The following MTMR12 variants were observed in gnomAD, a reference collection of about 807,000 sequenced individuals.
The protein encoded by MTMR12 is myotubularin-related protein 12.
A neutral mutation model predicts 96.7 loss-of-function variants in MTMR12; 33 were observed. The observed-to-expected ratio is 0.34, with a 90% CI of 0.26 to 0.46. MTMR12 has a LOEUF of 0.46. Among genes scored for constraint, MTMR12 ranks in the 20% least tolerant of loss-of-function variants. MTMR12 has a pLI of 1.00. For missense variants in MTMR12, 721 were observed against 896.1 expected, an observed-to-expected ratio of 0.80 and a Z score of 2.49; for synonymous variants, 298 against 327.2, an observed-to-expected ratio of 0.91 and a Z score of 0.96.
At position 32,266,139 on chromosome 5, in the gene MTMR12, C is replaced by G. The variant is rs955581431; in HGVS notation, c.583+2562G>C. 7.2e-5 allele frequency among the ~76,000 whole-genome samples: 11 copies of G among 152,184 alleles called. No homozygotes were observed. In the South Asian group the frequency reaches 8.3e-4, roughly 11 times the overall value. ...TTCCCCTCGATAGTCCACCCTCCCC[C>G]AGAGGGTGGGCGCCTCCACAGAGGA... On this transcript the variant is annotated intron_variant, in intron 6 of 15. Transcript: ENST00000382142.
chr5:32,276,057 A>C (rs1158699831), intron 2 of MTMR12, among the ~76,000 whole-genome samples: 1 of 152,274 alleles, frequency 6.6e-6, no homozygotes, highest in African/African-American at 2.4e-5. Flanking sequence ...CATGGATCAC[A>C]GAATATCCCA....
At chr5:32,248,168 A>G in intron 9 of MTMR12, 42 bp from the exon 10 acceptor site, 1 of 1,596,762 alleles carries the variant, frequency 6.3e-7, no homozygotes, top group African/African-American at 1.3e-5. Flanking sequence ...GAGCAAACTC[A>G]AATTTTGCTT....
At chr5:32,244,525 A>C (rs1332283708) in intron 10 of MTMR12, among the ~76,000 whole-genome samples, 1 of 152,188 alleles carries the variant, frequency 6.6e-6, no homozygotes, top group African/African-American at 2.4e-5. Flanking sequence ...AGGGTGGCGG[A>C]GGTTACAGTG....
intron 1 of MTMR12, among the ~76,000 whole-genome samples, chr5:32,282,445 A>AAATG: frequency 1.3e-5 from 2 of 149,912 alleles, no homozygotes; most frequent in Middle Eastern, 6.9e-3. Context: ...ATAAATAAAT[A>AAATG]AATAAATAAA....
chr5:32,263,739 G>A (rs1352229670), intron 6 of MTMR12, among the ~76,000 whole-genome samples: 1 of 151,942 alleles, frequency 6.6e-6, no homozygotes, highest in Non-Finnish European at 1.5e-5. Flanking sequence ...CGCCAGGCCA[G>A]CTGTCTTTTT....
chr5:32,261,132 C>G (rs1749347550), intron 7 of MTMR12, among the ~76,000 whole-genome samples: 1 of 151,604 alleles, frequency 6.6e-6, no homozygotes, highest in Non-Finnish European at 1.5e-5. Context: ...ACTCAAGAGG[C>G]TGAGGCAGGA....
rs761698344 is a variant in MTMR12, at chr5:32,312,802, T to TGCC, written c.34_36dup (p.Gly12dup). On this transcript the variant is annotated inframe_insertion, in exon 1 of 16. Coordinates refer to ENST00000382142, the MANE Select transcript of MTMR12 (RefSeq NM_001040446.3). The surrounding 1 kb of genome is among the most constrained non-coding windows in gnomAD (Gnocchi z 5.0). ...ACGAAGGAGGGCTTGGGGGCCTTGGTGCCGCCGCCACCGCCGACTACTCCT... is the reference window on the plus strand; with the variant it reads ...ACGAAGGAGGGCTTGGGGGCCTTGGTGCCGCCGCCGCCACCGCCGACTACTCCT... 2 of 1,533,546 alleles carry TGCC rather than the reference T, an allele frequency of 1.3e-6. No homozygotes were observed. The highest frequency in any genetic ancestry group is 2.9e-5 in the African/African-American group (2 of 69,770). The allele number at this position is 1,533,546 out of a possible 1,614,324, so 95.0% of individuals were successfully genotyped here. A position where few individuals can be genotyped will look rare whatever the true frequency, so the allele number is the denominator to read the frequency against.
At chr5:32,265,085 C>G (rs886984165) in intron 6 of MTMR12, among the ~76,000 whole-genome samples, 3 of 152,100 alleles carry the variant, frequency 2.0e-5, no homozygotes, top group Non-Finnish European at 4.4e-5. Flanking sequence ...ATGTCATAAA[C>G]ATTTAGGACC....
At position 32,229,040 on chromosome 5, in the gene MTMR12, G is replaced by C. The variant is rs1195088939; in HGVS notation, c.*738C>G. ...TGGCAGTGAGACACTGGGACTACAC[G>C]CACCAAGGCAGGGAGTGCAGAGGGA... On this transcript the variant is annotated 3_prime_UTR_variant, in exon 16 of 16. Coordinates refer to ENST00000382142, the MANE Select transcript of MTMR12 (RefSeq NM_001040446.3). 6.6e-6 allele frequency: 1 copy of C among 152,364 alleles called. No individual in the cohort carries two copies. Among genetic ancestry groups the C allele is most frequent in the Non-Finnish European group, 1.5e-5 (1 of 68,156 alleles). 9.4% of individuals were successfully genotyped at this position (152,364 alleles called of 1,614,324 possible).
Position 32,233,657 on chromosome 5 carries a change from T to C in MTMR12, c.1674+116A>G. 1.4e-6 allele frequency: 2 copies of C among 1,419,222 alleles called. No individual in the cohort carries two copies. The highest frequency in any genetic ancestry group is 1.3e-5 in the South Asian group (1 of 78,186). The allele number at this position is 1,419,222 out of a possible 1,614,324, so 87.9% of individuals were successfully genotyped here. A position where few individuals can be genotyped will look rare whatever the true frequency, so the allele number is the denominator to read the frequency against. ...ATTTGACCATCACAAGTCTCAACTCTGCAGACTGCTTCGAGGGGTAGAAAA... is the reference window on the plus strand; with the variant it reads ...ATTTGACCATCACAAGTCTCAACTCCGCAGACTGCTTCGAGGGGTAGAAAA... On this transcript the variant is annotated intron_variant, in intron 15 of 15. Coordinates refer to ENST00000382142, the MANE Select transcript of MTMR12 (RefSeq NM_001040446.3). The surrounding 1 kb of genome is among the most constrained non-coding windows in gnomAD (Gnocchi z 5.0).
intron 9 of MTMR12, among the ~76,000 whole-genome samples, chr5:32,248,393 T>C (rs1043108791): frequency 2.0e-5 from 3 of 152,032 alleles, no homozygotes; most frequent in Non-Finnish European, 4.4e-5. Flanking sequence ...TCTGAGTCTA[T>C]TCCTTCTTTT....
rs35999870 is a variant in MTMR12, at chr5:32,279,076, CAAAAAAAAAAAA to C, written c.82-2346_82-2335del. On this transcript the variant is annotated intron_variant, in intron 1 of 15. Coordinates refer to ENST00000382142, the MANE Select transcript of MTMR12 (RefSeq NM_001040446.3). ...GGGCAACAAGAGCGAAACTCTGTCT[CAAAAAAAAAAAA>C]AAAAAAAAAAAAAAAAAAAAAAAAA... Among the ~76,000 whole-genome samples, 43 of 50,524 alleles carry C rather than the reference CAAAAAAAAAAAA, an allele frequency of 8.5e-4. No homozygotes were observed. The South Asian group carries it at 0.014, about 16-fold the overall frequency. The allele number at this position is 50,524 out of a possible 152,430, so 33.1% of individuals were successfully genotyped here.
chr5:32,262,049 G>A (rs1749380873), intron 7 of MTMR12, among the ~76,000 whole-genome samples: 1 of 151,874 alleles, frequency 6.6e-6, no homozygotes, highest in African/African-American at 2.4e-5. Flanking sequence ...TCCAGCCTGG[G>A]GGACAGAGAG....
Position 32,270,944 on chromosome 5 carries a change from A to C in MTMR12, c.362T>G (p.Phe121Cys). The change falls in exon 5 of 16, where the codon TTT becomes TGT. Residue 121 changes from phenylalanine to cysteine, a missense_variant. Transcript: ENST00000382142. ...AAAGAGAGTTTTCTTTTTCTCATCA[A>C]ACACTACAGATCAGCAATGAAATCA... is the stretch of plus-strand genomic sequence containing the variant. ...LHCVDQIYGV[F>C]DEKKKTLFGQ... 6.2e-7 allele frequency: 1 copy of C among 1,612,552 alleles called. No individual in the cohort carries two copies. Among genetic ancestry groups the C allele is most frequent in the Non-Finnish European group, 8.5e-7 (1 of 1,179,536 alleles).
At chr5:32,251,217 G>A (rs547981802) in intron 8 of MTMR12, among the ~76,000 whole-genome samples, 49 of 151,952 alleles carry the variant, frequency 3.2e-4, no homozygotes, top group South Asian at 1.0e-3. Context: ...CACTACGCCC[G>A]GCTAATTTTT....
chr5:32,251,596 A>G (rs1264531001), intron 8 of MTMR12, among the ~76,000 whole-genome samples: 1 of 152,222 alleles, frequency 6.6e-6, no homozygotes, highest in East Asian at 1.9e-4. Flanking sequence ...GAAAACAAGT[A>G]TAGACTCTTT....
intron 1 of MTMR12, among the ~76,000 whole-genome samples, chr5:32,291,396 G>A (rs1168102107): frequency 6.6e-6 from 1 of 152,246 alleles, no homozygotes. Context: ...TTCATAGGCT[G>A]TAGCCAATGG....
chr5:32,304,223 G>A (rs1220410372), intron 1 of MTMR12, among the ~76,000 whole-genome samples: 1 of 152,022 alleles, frequency 6.6e-6, no homozygotes, highest in Non-Finnish European at 1.5e-5. Context: ...GGGAGGCTGA[G>A]GCAGGAGAAT....
chr5:32,282,420 AAAATAAATAAAT>A lies in MTMR12; in HGVS notation c.82-5690_82-5679del, dbSNP rs202223564. Among the ~76,000 whole-genome samples the A allele has an allele frequency of 5.1e-3, 742 of 145,048 alleles. 6 individuals are homozygous for A. The highest frequency in any genetic ancestry group is 0.013 in the African/African-American group (504 of 39,520). On this transcript the variant is annotated intron_variant, in intron 1 of 15. Coordinates refer to ENST00000382142, the MANE Select transcript of MTMR12 (RefSeq NM_001040446.3). ...TGGGCGACAGAGCAAGACTCCATCT[AAAATAAATAAAT>A]AAATAAATAAATAAATAAATAAATA...
Sources: gnomAD v4.1 joint callset for allele counts (sites outside exome capture counted in the v4.1 genomes callset) on GRCh38, gnomAD v4.1.1 for gene constraint, Gnocchi (gnomAD v3.1) non-coding constraint, MANE v1.5 for transcripts, NCBI Gene and HGNC (gene_info 2026-07-23, HGNC 2026-07-21) for gene names.